The following IMMT variants were observed in gnomAD, a reference collection of about 807,000 sequenced individuals.
The protein encoded by IMMT is MICOS complex subunit MIC60.
IMMT carries 40 observed loss-of-function variants against 92.7 expected under a neutral mutation model. The observed-to-expected ratio is 0.43, with a 90% CI of 0.34 to 0.56. The LOEUF (loss-of-function observed/expected upper bound fraction) is 0.56. Ranked by LOEUF, IMMT falls within the 20% of genes least tolerant of loss-of-function variation. The pLI is 0.03. For synonymous variants in IMMT, 322 were observed against 336.1 expected (o/e 0.96, Z 0.46); for missense variants, 831 against 912.1 (o/e 0.91, Z 1.14).
intron 10 of IMMT, among the ~76,000 whole-genome samples, chr2:86,158,161 GTGT>G (rs1675994773): frequency 1.3e-5 from 2 of 152,160 alleles, no homozygotes; most frequent in South Asian, 4.1e-4. Flanking sequence ...TCTCAACAAA[GTGT>G]TGTTTTGTCA....
In IMMT at chr2:86,169,615, C is replaced by G. The variant is rs535088693; in HGVS notation, c.655+1134G>C. Among the ~76,000 whole-genome samples the G allele has an allele frequency of 2.6e-5, 4 of 152,280 alleles. No individual in the cohort carries two copies. The East Asian group carries it at 7.7e-4, about 29-fold the overall frequency. The stretch of plus-strand genomic sequence containing the variant: ...ATCCCACGACCTCCAGAGACATCAA[C>G]ATATTATAGCACAGTACAAAAAATT... On this transcript the variant is annotated intron_variant, in intron 6 of 14. Coordinates refer to ENST00000410111, the MANE Select transcript of IMMT (RefSeq NM_006839.3).
chr2:86,188,164 C>T (rs1228781986), intron 1 of IMMT, among the ~76,000 whole-genome samples: 3 of 151,954 alleles, frequency 2.0e-5, no homozygotes, highest in Non-Finnish European at 4.4e-5. Context: ...CTCAGCCTCC[C>T]AAGTAGCTGG....
intron 3 of IMMT, among the ~76,000 whole-genome samples, chr2:86,175,398 G>A (rs778386872): frequency 2.6e-5 from 4 of 151,654 alleles, no homozygotes; most frequent in Admixed American, 1.3e-4. Flanking sequence ...ATATATGTAT[G>A]TCATATATAT....
At chr2:86,152,625 G>A (rs1216294602) in intron 11 of IMMT, among the ~76,000 whole-genome samples, 1 of 150,230 alleles carries the variant, frequency 6.7e-6, no homozygotes, top group African/African-American at 2.5e-5. Context: ...GCCAGGCATG[G>A]GGGCACATGC....
At chr2:86,161,512 CTTTTT>C (rs35243118) in intron 8 of IMMT, among the ~76,000 whole-genome samples, 3 of 108,454 alleles carry the variant, frequency 2.8e-5, no homozygotes, top group Non-Finnish European at 1.9e-5. Context: ...GTACAAATTC[CTTTTT>C]TTTTTTTTTT....
intron 1 of IMMT, among the ~76,000 whole-genome samples, chr2:86,194,339 AT>A (rs1673382133): frequency 1.3e-5 from 2 of 152,218 alleles, no homozygotes; most frequent in Admixed American, 1.3e-4. Flanking sequence ...AAGCTGCTAA[AT>A]TTGTGGTATT....
In IMMT at chr2:86,184,881, C is replaced by T. The variant is rs1343480412; in HGVS notation, c.46-3509G>A. Among the ~76,000 whole-genome samples, 8 of 152,258 alleles carry T rather than the reference C, an allele frequency of 5.3e-5. No individual in the cohort carries two copies. The South Asian group carries it at 1.0e-3, about 20-fold the overall frequency. On this transcript the variant is annotated intron_variant, in intron 1 of 14. Transcript: ENST00000410111. ...GCTGTAGCTACACCTAATGAACTGA[C>T]GTACTTGGCTAAAGAGTTCCAAGTA...
chr2:86,159,646 C>A lies in IMMT; in HGVS notation c.922G>T (p.Val308Leu). 1 of 1,576,000 alleles carries A rather than the reference C, an allele frequency of 6.3e-7. No individual in the cohort carries two copies. Among genetic ancestry groups the A allele is most frequent in the South Asian group, 1.2e-5 (1 of 84,000 alleles). Reference sequence around the variant, plus strand: ...TCTTTTTTCTTTGCATTTTCAATCACACTTTTCATCTTCTCTAACTCTTCT... The same window carrying A: ...TCTTTTTTCTTTGCATTTTCAATCAAACTTTTCATCTTCTCTAACTCTTCT... ...AKEELEKMKS[V>L]IENAKKKEVA... The change falls in exon 9 of 15, where the codon GTG becomes TTG. Residue 308 changes from valine to leucine, a missense_variant. Physicochemically the swap from Val to Leu is conservative, Grantham distance 32. Transcript: ENST00000410111.
chr2:86,192,347 T>C (rs1673186921), intron 1 of IMMT, among the ~76,000 whole-genome samples: 1 of 151,686 alleles, frequency 6.6e-6, no homozygotes, highest in Non-Finnish European at 1.5e-5. Flanking sequence ...CTTACACAGA[T>C]TAAGAAAAAT....
chr2:86,153,488 A>T (rs1160085268), intron 11 of IMMT, 72 bp downstream of exon 11: 1 of 780,110 alleles, frequency 1.3e-6, no homozygotes, highest in Middle Eastern at 2.5e-4. Flanking sequence ...AATCATAGGC[A>T]CAACAAAAAG....
chr2:86,191,182 A>G (rs545069813), intron 1 of IMMT, among the ~76,000 whole-genome samples: 1 of 151,686 alleles, frequency 6.6e-6, no homozygotes, highest in East Asian at 1.9e-4. Context: ...TCTACAGAAA[A>G]AAAAATACAA....
chr2:86,177,042 G>GT (rs1573930065), intron 3 of IMMT, among the ~76,000 whole-genome samples: 2 of 152,176 alleles, frequency 1.3e-5, no homozygotes, highest in Non-Finnish European at 2.9e-5. Context: ...AAAAAGTATG[G>GT]TTGGGGTGGG....
intron 10 of IMMT, 150 bp from the exon 11 acceptor site, chr2:86,153,724 C>A: frequency 4.4e-6 from 2 of 459,594 alleles, no homozygotes; most frequent in East Asian, 3.6e-5. Context: ...TGAAATGATA[C>A]GGCTATTTTC....
intron 6 of IMMT, among the ~76,000 whole-genome samples, chr2:86,170,109 C>T (rs989063647): frequency 6.6e-6 from 1 of 150,822 alleles, no homozygotes; most frequent in Non-Finnish European, 1.5e-5. Context: ...TATAAATTAA[C>T]AATTATTAAT....
In IMMT at chr2:86,144,455, C is replaced by T. The variant is rs949569021; in HGVS notation, c.2090G>A (p.Cys697Tyr). 1.9e-6 allele frequency: 3 copies of T among 1,613,930 alleles called. No individual in the cohort carries two copies. Among genetic ancestry groups the T allele is most frequent in the Non-Finnish European group, 2.5e-6 (3 of 1,179,872 alleles). Residue 697 changes from cysteine (C) to tyrosine (Y), a missense_variant, in exon 15 of 15, where the codon TGC (cysteine) becomes TAC (tyrosine). Coordinates refer to ENST00000410111, the MANE Select transcript of IMMT (RefSeq NM_006839.3). ...TFKLLSYASY[C>Y]IEHGDLELAA... The stretch of plus-strand genomic sequence containing the variant: ...TAGCTCCAGATCACCATGCTCAATG[C>T]AATAGGAAGCATATGACAGTAATTT...
At chr2:86,170,628 C>A in intron 6 of IMMT, 121 bp downstream of exon 6, 1 of 647,824 alleles carries the variant, frequency 1.5e-6, no homozygotes. Context: ...CACTAAAAAA[C>A]AACCGCAGCA....
chr2:86,162,767 A>G (rs543712270), intron 7 of IMMT, among the ~76,000 whole-genome samples: 1 of 152,214 alleles, frequency 6.6e-6, no homozygotes, highest in South Asian at 2.1e-4. Context: ...TTGCTTGAAT[A>G]CAGGAGGCGG....
At chr2:86,148,334 C>T (rs182238712) in intron 12 of IMMT, among the ~76,000 whole-genome samples, 253 of 152,200 alleles carry the variant, frequency 1.7e-3, no homozygotes, top group Non-Finnish European at 2.8e-3. Context: ...GTTGGCCGGG[C>T]GTGGTGGCTC....
intron 12 of IMMT, among the ~76,000 whole-genome samples, chr2:86,150,511 G>T (rs1675387249): frequency 1.3e-5 from 2 of 152,200 alleles, no homozygotes; most frequent in Non-Finnish European, 1.5e-5. Flanking sequence ...GTACTGCTAA[G>T]AAGACACAAA....
Sources: allele counts gnomAD v4.1 joint callset (sites outside exome capture counted in the v4.1 genomes callset), GRCh38; gene constraint gnomAD v4.1.1; transcripts MANE v1.5; gene names NCBI Gene and HGNC (gene_info 2026-07-23, HGNC 2026-07-21).